The following KANSL1L variants were observed in gnomAD, a reference collection of about 807,000 sequenced individuals.
KANSL1L encodes KAT8 regulatory NSL complex subunit 1-like protein.
KANSL1L carries 25 observed loss-of-function variants against 108.6 expected under a neutral mutation model. The ratio of observed to expected loss-of-function variants is 0.23; its 90% CI spans 0.17 to 0.32. The LOEUF (loss-of-function observed/expected upper bound fraction) is 0.32, where lower values mean the gene tolerates loss of function less well. Among genes scored for constraint, KANSL1L ranks in the 10% least tolerant of loss-of-function variants. The pLI, the probability that KANSL1L is intolerant of heterozygous loss-of-function variation, is 1.00. For synonymous variants in KANSL1L, 405 were observed against 395.1 expected (o/e 1.03, Z -0.30); for missense variants, 1,137 against 1,125.7 (o/e 1.01, Z -0.14).
At chr2:210,030,070 A>C (rs2093993659) in intron 9 of KANSL1L, 152 bp from the exon 10 acceptor site, 1 of 450,952 alleles carries the variant, frequency 2.2e-6, no homozygotes, top group Non-Finnish European at 3.9e-6. Flanking sequence ...AAATGAAAAA[A>C]GAGGAGCCTT....
At chr2:210,100,039 TG>T (rs2094778146) in intron 4 of KANSL1L, among the ~76,000 whole-genome samples, 1 of 152,202 alleles carries the variant, frequency 6.6e-6, no homozygotes, top group Non-Finnish European at 1.5e-5. Context: ...GGGCTGCTGA[TG>T]GGTACCTGTC....
chr2:210,172,469 G>C (rs1431216721), upstream of KANSL1L, among the ~76,000 whole-genome samples: 1 of 152,194 alleles, frequency 6.6e-6, no homozygotes, highest in African/African-American at 2.4e-5. Context: ...ACTGGAATTG[G>C]AAAATTAGCT....
intron 3 of KANSL1L, among the ~76,000 whole-genome samples, chr2:210,124,165 A>G (rs1002607006): frequency 6.6e-6 from 1 of 152,208 alleles, no homozygotes; most frequent in African/African-American, 2.4e-5. Context: ...GATTTAACAG[A>G]TATCTAAAGA....
chr2:210,028,555 C>A (rs948227532), intron 11 of KANSL1L: 4 of 201,990 alleles, frequency 2.0e-5, no homozygotes, highest in Admixed American at 6.1e-5. Flanking sequence ...CACTAAAGTA[C>A]CTTTTAGTGT....
Position 210,154,248 on chromosome 2 carries a change from A to G in KANSL1L, c.335T>C (p.Ile112Thr). 6.2e-7 allele frequency: 1 copy of G among 1,614,006 alleles called. No homozygotes were observed. Among genetic ancestry groups the G allele is most frequent in the Non-Finnish European group, 8.5e-7 (1 of 1,179,992 alleles). ...GEPSCNKLKN[I>T]LYNGSNIQLS... ...CTGAATGTTGCTGCCATTATACAGT[A>G]TGTTTTTCAGCTTATTGCAACTGGG... The change falls in exon 2 of 15, where the codon ATA becomes ACA. Residue 112 changes from isoleucine to threonine, a missense_variant. By Grantham distance (89) the Ile-to-Thr change is moderately conservative. This residue lies in a region of KANSL1L where 556 missense variants were observed against 537.7 expected (regional missense o/e 1.03). Coordinates refer to ENST00000281772, the MANE Select transcript of KANSL1L (RefSeq NM_152519.4).
intron 2 of KANSL1L, among the ~76,000 whole-genome samples, chr2:210,131,615 CTA>C (rs1318806611): frequency 7.3e-5 from 11 of 151,648 alleles, no homozygotes; most frequent in African/African-American, 2.7e-4. Context: ...ATATACTAGA[CTA>C]AATTATACTA....
At position 210,022,894 on chromosome 2, in the gene KANSL1L, C is replaced by T; in HGVS notation, c.*55G>A. 1 of 1,234,394 alleles carries T rather than the reference C, an allele frequency of 8.1e-7. No homozygotes were observed. Among genetic ancestry groups the T allele is most frequent in the Non-Finnish European group, 1.2e-6 (1 of 842,924 alleles). 76.5% of individuals were successfully genotyped at this position (1,234,394 alleles called of 1,614,324 possible). ...AGGGGATGGGGGATCCAGAACAGGG[C>T]TTTATTTCCTCCCATCTTTCCTACA... On this transcript the variant is annotated 3_prime_UTR_variant, in exon 15 of 15. Coordinates refer to ENST00000281772, the MANE Select transcript of KANSL1L (RefSeq NM_152519.4).
At chr2:210,034,115 C>T (rs2094066126) in intron 8 of KANSL1L, among the ~76,000 whole-genome samples, 1 of 152,144 alleles carries the variant, frequency 6.6e-6, no homozygotes, top group Non-Finnish European at 1.5e-5. Context: ...CATCCAACAA[C>T]AACTTTACAG....
intron 5 of KANSL1L, 83 bp from the exon 6 acceptor site, chr2:210,075,839 T>C: frequency 9.8e-7 from 1 of 1,015,422 alleles, no homozygotes; most frequent in South Asian, 1.6e-5. Flanking sequence ...AAACTAAATG[T>C]AAATTGCCTT....
intron 3 of KANSL1L, among the ~76,000 whole-genome samples, chr2:210,114,553 T>C (rs184767215): frequency 6.6e-6 from 1 of 152,254 alleles, no homozygotes. Flanking sequence ...AATACATGCA[T>C]AATTATAACA....
chr2:210,027,155 A>G, intron 12 of KANSL1L, 141 bp downstream of exon 12: 1 of 569,400 alleles, frequency 1.8e-6, no homozygotes, highest in East Asian at 2.8e-5. Flanking sequence ...CTTTTAAAAG[A>G]ACTTCCTTTT....
At chr2:210,168,974 A>C (rs1304679935) in intron 1 of KANSL1L, among the ~76,000 whole-genome samples, 1 of 152,180 alleles carries the variant, frequency 6.6e-6, no homozygotes, top group Non-Finnish European at 1.5e-5. Flanking sequence ...AAAATAAAAG[A>C]TACATCACAG....
Position 210,171,169 on chromosome 2 carries a change from C to T in KANSL1L, c.-50G>A, listed in dbSNP as rs1381566705. On this transcript the variant is annotated 5_prime_UTR_variant, in exon 1 of 15. Coordinates refer to ENST00000281772, the MANE Select transcript of KANSL1L (RefSeq NM_152519.4). ...CTCGCCTGCTGGGGCGCCCTGGCTC[C>T]CCTCCGCCGCCGCACCTTCGGTCCG... 6.5e-6 allele frequency: 1 copy of T among 154,318 alleles called. No homozygotes were observed. The highest frequency in any genetic ancestry group is 2.4e-5 in the African/African-American group (1 of 41,480). 9.6% of individuals were successfully genotyped at this position (154,318 alleles called of 1,614,324 possible).
chr2:210,140,842 CAT>C (rs138468865), intron 2 of KANSL1L, among the ~76,000 whole-genome samples: 2,546 of 152,150 alleles, frequency 0.017, 73 homozygotes, highest in African/African-American at 0.058. Flanking sequence ...TGTTGGTGTA[CAT>C]ATCTTTCACC....
chr2:210,101,308 C>G (rs181519693), intron 4 of KANSL1L, among the ~76,000 whole-genome samples: 19 of 152,232 alleles, frequency 1.2e-4, no homozygotes, highest in African/African-American at 4.1e-4. Context: ...ACAAAGGGCT[C>G]CACAACTTCA....
chr2:210,084,641 G>A (rs1436180592), intron 5 of KANSL1L, among the ~76,000 whole-genome samples: 1 of 151,432 alleles, frequency 6.6e-6, no homozygotes, highest in Non-Finnish European at 1.5e-5. Context: ...TTGAGACACA[G>A]TCTCACTTTG....
At chr2:210,159,897 G>A (rs1383852969) in intron 1 of KANSL1L, among the ~76,000 whole-genome samples, 1 of 152,100 alleles carries the variant, frequency 6.6e-6, no homozygotes, top group Non-Finnish European at 1.5e-5. Flanking sequence ...ATAGCTGGGT[G>A]TGGCGGTGGG....
At chr2:210,095,990 A>C (rs2094732586) in intron 5 of KANSL1L, among the ~76,000 whole-genome samples, 2 of 152,170 alleles carry the variant, frequency 1.3e-5, no homozygotes, top group African/African-American at 4.8e-5. Context: ...CACTTCAAAA[A>C]ACGTGAAGAA....
intron 2 of KANSL1L, among the ~76,000 whole-genome samples, chr2:210,134,132 T>C (rs1448859477): frequency 6.6e-6 from 1 of 152,166 alleles, no homozygotes; most frequent in Non-Finnish European, 1.5e-5. Context: ...AGTGAGAAGT[T>C]AGCAGTGATT....
Sources: gnomAD v4.1 joint callset for allele counts (sites outside exome capture counted in the v4.1 genomes callset) on GRCh38, gnomAD v4.1.1 for gene constraint, gnomAD v4.1.1 regional missense constraint, MANE v1.5 for transcripts, NCBI Gene and HGNC (gene_info 2026-07-23, HGNC 2026-07-21) for gene names.